The following FOXN3 variants were observed in gnomAD, a reference collection of about 807,000 sequenced individuals.
FOXN3 encodes forkhead box protein N3.
A neutral mutation model predicts 38.4 loss-of-function variants in FOXN3; 7 were observed. The ratio of observed to expected loss-of-function variants is 0.18; its 90% CI spans 0.10 to 0.34. The LOEUF (loss-of-function observed/expected upper bound fraction) is 0.34. FOXN3 is among the 10% of genes least tolerant of loss of function. The pLI, the probability that FOXN3 is intolerant of heterozygous loss-of-function variation, is 1.00. For synonymous variants in FOXN3, 230 were observed against 242.2 expected (o/e 0.95, Z 0.47); for missense variants, 456 against 613.4 (o/e 0.74, Z 2.71).
At chr14:89,555,414 T>C (rs561381530) in intron 1 of FOXN3, among the ~76,000 whole-genome samples, 10 of 152,336 alleles carry the variant, frequency 6.6e-5, no homozygotes, top group East Asian at 5.8e-4. Context: ...GTCTTCTCCA[T>C]AGAAAGTAAC....
At chr14:89,565,190 C>T (rs1437330997) in intron 1 of FOXN3, among the ~76,000 whole-genome samples, 1 of 150,980 alleles carries the variant, frequency 6.6e-6, no homozygotes, top group Non-Finnish European at 1.5e-5. Flanking sequence ...TGGGGTTATG[C>T]TACCCCAGGC....
intron 3 of FOXN3, among the ~76,000 whole-genome samples, chr14:89,282,881 G>C (rs1195305903): frequency 6.6e-6 from 1 of 152,158 alleles, no homozygotes; most frequent in Non-Finnish European, 1.5e-5. Flanking sequence ...TTCTCTGTAT[G>C]ATAAAGATTC....
chr14:89,583,306 G>T (rs925013989), intron 1 of FOXN3, among the ~76,000 whole-genome samples: 2 of 152,214 alleles, frequency 1.3e-5, no homozygotes, highest in Admixed American at 1.3e-4. Flanking sequence ...ATCTGGGCAG[G>T]TGCTCAGTTC....
chr14:89,502,158 C>T (rs557485949), intron 1 of FOXN3, among the ~76,000 whole-genome samples: 10 of 152,072 alleles, frequency 6.6e-5, no homozygotes, highest in Admixed American at 5.9e-4. Context: ...CAAGACTCCA[C>T]CTCAAAAAAT....
intron 1 of FOXN3, among the ~76,000 whole-genome samples, chr14:89,498,125 G>T (rs1460320527): frequency 1.3e-5 from 2 of 150,540 alleles, no homozygotes; most frequent in East Asian, 3.9e-4. Flanking sequence ...AGTTCTCTAG[G>T]TATTCTGGAT....
chr14:89,184,130 C>T (rs1887743342), intron 4 of FOXN3: 1 of 152,204 alleles, frequency 6.6e-6, no homozygotes. Flanking sequence ...AGAAACCAGA[C>T]CATGCTGGAA....
intron 1 of FOXN3, among the ~76,000 whole-genome samples, chr14:89,515,109 G>C (rs1894175940): frequency 6.6e-6 from 1 of 151,866 alleles, no homozygotes; most frequent in Non-Finnish European, 1.5e-5. Flanking sequence ...TTTTAGTAGA[G>C]ATGGGGTTCC....
At chr14:89,559,588 G>C (rs1051726664) in intron 1 of FOXN3, among the ~76,000 whole-genome samples, 2 of 152,080 alleles carry the variant, frequency 1.3e-5, no homozygotes, top group Non-Finnish European at 2.9e-5. Flanking sequence ...AGGCAGGAGA[G>C]TTGCTTGAAT....
chr14:89,441,922 CTTTTT>C (rs35118856), intron 1 of FOXN3, among the ~76,000 whole-genome samples: 34 of 75,408 alleles, frequency 4.5e-4, no homozygotes, highest in African/African-American at 1.4e-3. Flanking sequence ...AACCGGCTGA[CTTTTT>C]TTTTTTTTTT....
At chr14:89,247,057 T>C (rs1027923784) in intron 4 of FOXN3, among the ~76,000 whole-genome samples, 6 of 152,126 alleles carry the variant, frequency 3.9e-5, no homozygotes, top group African/African-American at 1.4e-4. Context: ...AGTCAGTCTG[T>C]TGATCCATCC....
chr14:89,256,333 G>C (rs755719145), intron 4 of FOXN3, among the ~76,000 whole-genome samples: 6 of 152,326 alleles, frequency 3.9e-5, no homozygotes, highest in Non-Finnish European at 8.8e-5. Flanking sequence ...GCAATCAGAG[G>C]GGAGAGTTAG....
intron 2 of FOXN3, among the ~76,000 whole-genome samples, chr14:89,401,229 G>A (rs1027659371): frequency 3.4e-5 from 5 of 148,812 alleles, no homozygotes; most frequent in African/African-American, 5.0e-5. Flanking sequence ...ATCACCTGAG[G>A]TCAGGAGTTC....
At chr14:89,507,905 G>C (rs572929981) in intron 1 of FOXN3, among the ~76,000 whole-genome samples, 1 of 152,294 alleles carries the variant, frequency 6.6e-6, no homozygotes, top group Admixed American at 6.5e-5. Flanking sequence ...AAGTAGAAAT[G>C]ATTGTAACTG....
intron 1 of FOXN3, among the ~76,000 whole-genome samples, chr14:89,525,650 A>G: frequency 6.9e-6 from 1 of 145,330 alleles, no homozygotes; most frequent in Non-Finnish European, 1.5e-5. Flanking sequence ...AAAAAAAAAA[A>G]GACTCCAGGC....
At chr14:89,482,250 C>T (rs1024817637) in intron 1 of FOXN3, among the ~76,000 whole-genome samples, 7 of 152,202 alleles carry the variant, frequency 4.6e-5, no homozygotes, top group African/African-American at 1.4e-4. Context: ...CCATACTTCC[C>T]GGCCTCCTGC....
At chr14:89,475,803 A>C (rs60960836) in intron 1 of FOXN3, among the ~76,000 whole-genome samples, 2,201 of 152,326 alleles carry the variant, frequency 0.014, 48 homozygotes, top group African/African-American at 0.05. Context: ...TGGGATAATG[A>C]AGAATCATAT....
At chr14:89,166,069 G>C (rs754889093) in intron 5 of FOXN3, among the ~76,000 whole-genome samples, 1 of 152,190 alleles carries the variant, frequency 6.6e-6, no homozygotes, top group Non-Finnish European at 1.5e-5. Context: ...GGTGAATCTA[G>C]GTGAAGGGTC....
At chr14:89,567,766 A>G (rs571638855) in intron 1 of FOXN3, among the ~76,000 whole-genome samples, 2 of 141,270 alleles carry the variant, frequency 1.4e-5, no homozygotes, top group East Asian at 4.1e-4. Context: ...TCTGTCTCCC[A>G]GGCTGGAGTG....
chr14:89,442,965 C>A (rs1279978406), intron 1 of FOXN3, among the ~76,000 whole-genome samples: 2 of 152,204 alleles, frequency 1.3e-5, no homozygotes, highest in African/African-American at 4.8e-5. Flanking sequence ...TGGCCCTTTA[C>A]AGAAAAGGTT....
Sources: gnomAD v4.1 joint callset for allele counts (sites outside exome capture counted in the v4.1 genomes callset) on GRCh38, gnomAD v4.1.1 for gene constraint, MANE v1.5 for transcripts, NCBI Gene and HGNC (gene_info 2026-07-23, HGNC 2026-07-21) for gene names.